Variants in IGDCC3 observed in about 807,000 individuals in gnomAD.
The protein encoded by IGDCC3 is immunoglobulin superfamily DCC subclass member 3, also known as putative neuronal cell adhesion molecule.
Under a neutral mutation model 72.0 loss-of-function variants are expected in IGDCC3, and 47 were observed. The ratio of observed to expected loss-of-function variants is 0.65; its 90% CI spans 0.52 to 0.83. The LOEUF is 0.83. Among genes scored for constraint, IGDCC3 ranks in the 40% least tolerant of loss-of-function variants. The pLI is 0.00. For missense variants in IGDCC3, 1,038 were observed against 1,091.3 expected, an observed-to-expected ratio of 0.95 and a Z score of 0.69; for synonymous variants, 477 against 472.8, an observed-to-expected ratio of 1.01 and a Z score of -0.11.
In IGDCC3 at chr15:65,329,719, G is replaced by A. The variant is rs768339637; in HGVS notation, c.1997+7C>T. On this transcript the variant is annotated splice_region_variant and intron_variant, in intron 12 of 13. Coordinates refer to ENST00000327987, the MANE Select transcript of IGDCC3 (RefSeq NM_004884.4). This position sits in a 1 kb window ranked among gnomAD's most constrained non-coding sequence, Gnocchi z 4.1. ...AGCCCAGCCCCTCTCCCTGGCCCAGGACCCACCTGCCCCTTTGGCCGAACA... is the reference window on the plus strand; with the variant it reads ...AGCCCAGCCCCTCTCCCTGGCCCAGAACCCACCTGCCCCTTTGGCCGAACA... 1.9e-6 allele frequency: 3 copies of A among 1,613,872 alleles called. No individual in the cohort carries two copies. The highest frequency in any genetic ancestry group is 2.7e-5 in the African/African-American group (2 of 74,908).
In IGDCC3 at chr15:65,329,512, T is replaced by G. The variant is rs767194741; in HGVS notation, c.2083A>C (p.Asn695His). The part of the protein sequence containing the change: ...SQRDPGILAL[N>H]GARRGQRGQL... Reference sequence around the variant, plus strand: ...CCCCGCTGTCCCCGTCTCGCCCCATTTAGGGCTAGAATGCCAGGGTCCCTC... The same window carrying G: ...CCCCGCTGTCCCCGTCTCGCCCCATGTAGGGCTAGAATGCCAGGGTCCCTC... Residue 695 changes from asparagine to histidine, a missense_variant, in exon 13 of 14, where the codon AAT becomes CAT. By Grantham distance (68) the Asn-to-His change is moderately conservative. Transcript: ENST00000327987. This position sits in a 1 kb window ranked among gnomAD's most constrained non-coding sequence, Gnocchi z 4.1. 1.5e-5 allele frequency: 24 copies of G among 1,606,798 alleles called. No homozygotes were observed. The Admixed American group carries it at 1.9e-4, about 13-fold the overall frequency.
intron 2 of IGDCC3, among the ~76,000 whole-genome samples, chr15:65,342,247 G>A (rs375841945): frequency 2.0e-4 from 31 of 152,008 alleles, no homozygotes; most frequent in African/African-American, 7.0e-4. Flanking sequence ...TTAGCCGGGC[G>A]TGGTGGCACA....
chr15:65,372,113 G>C (rs929728950), intron 2 of IGDCC3, among the ~76,000 whole-genome samples: 2 of 152,184 alleles, frequency 1.3e-5, no homozygotes, highest in South Asian at 2.1e-4. Flanking sequence ...ACATTTAAAG[G>C]CCATGTCAGT....
chr15:65,337,495 C>T (rs1379802294), intron 2 of IGDCC3, among the ~76,000 whole-genome samples: 1 of 152,040 alleles, frequency 6.6e-6, no homozygotes, highest in African/African-American at 2.4e-5. Flanking sequence ...TAAACAGTAC[C>T]TTGGGGCCCT....
intron 2 of IGDCC3, among the ~76,000 whole-genome samples, chr15:65,354,580 G>A (rs1170436972): frequency 6.6e-6 from 1 of 152,106 alleles, no homozygotes; most frequent in Non-Finnish European, 1.5e-5. Flanking sequence ...AGACCTATGA[G>A]TCCCTTAAGG....
intron 2 of IGDCC3, among the ~76,000 whole-genome samples, chr15:65,372,906 C>A (rs924525433): frequency 6.6e-6 from 1 of 152,130 alleles, no homozygotes; most frequent in Non-Finnish European, 1.5e-5. Flanking sequence ...GAGCATTCTC[C>A]CATGGGACCA....
chr15:65,339,429 G>T lies in IGDCC3; in HGVS notation c.410-3473C>A, dbSNP rs2091059880. Among the ~76,000 whole-genome samples, 1 of 152,194 alleles carries T rather than the reference G, an allele frequency of 6.6e-6. No individual in the cohort carries two copies. ...AGGGTCTCCCTACGTTGCCCGGACT[G>T]GCACAGCATTTTTTTCTTTAGGAAG... On this transcript the variant is annotated intron_variant, in intron 2 of 13. Coordinates refer to ENST00000327987, the MANE Select transcript of IGDCC3 (RefSeq NM_004884.4). The surrounding 1 kb of genome is among the most constrained non-coding windows in gnomAD (Gnocchi z 4.1).
At position 65,339,885 on chromosome 15, in the gene IGDCC3, T is replaced by C. The variant is rs1023000851; in HGVS notation, c.410-3929A>G. Among the ~76,000 whole-genome samples, 28 of 152,122 alleles carry C rather than the reference T, an allele frequency of 1.8e-4. No individual in the cohort carries two copies. The highest frequency in any genetic ancestry group is 8.5e-4 in the Admixed American group (13 of 15,288). On this transcript the variant is annotated intron_variant, in intron 2 of 13. Coordinates refer to ENST00000327987, the MANE Select transcript of IGDCC3 (RefSeq NM_004884.4). The surrounding 1 kb of genome is among the most constrained non-coding windows in gnomAD (Gnocchi z 4.1). Reference sequence around the variant, plus strand: ...GGGTCCCTCACTTCAAGTTGGGTGATGGGAAGGGGGTGATGGGCAATGGTC... The same window carrying C: ...GGGTCCCTCACTTCAAGTTGGGTGACGGGAAGGGGGTGATGGGCAATGGTC...
At position 65,331,450 on chromosome 15, in the gene IGDCC3, T is replaced by G. The variant is rs757776406; in HGVS notation, c.1358A>C (p.Glu453Ala). Residue 453 changes from glutamate to alanine, a missense_variant, in exon 8 of 14, where the codon GAG (glutamate) becomes GCG (alanine). Physicochemically the swap from Glu to Ala is moderately radical, Grantham distance 107. Coordinates refer to ENST00000327987, the MANE Select transcript of IGDCC3 (RefSeq NM_004884.4). ...GATGTGCAGGACGTAGCCGATGATCTCCTTGGTGTTGGCCAGCGGCTCACT... is the reference window on the plus strand; with the variant it reads ...GATGTGCAGGACGTAGCCGATGATCGCCTTGGTGTTGGCCAGCGGCTCACT... ...SWSEPLANTKEIIGYVLHIRK... is the reference protein window; with the variant it reads ...SWSEPLANTKAIIGYVLHIRK... The G allele has an allele frequency of 1.9e-6, 3 of 1,611,998 alleles. No homozygotes were observed. In the Admixed American group the frequency reaches 5.0e-5, roughly 27 times the overall value.
chr15:65,328,610 C>G lies in IGDCC3; in HGVS notation c.*299G>C. The G allele has an allele frequency of 1.5e-5, 4 of 262,004 alleles. No individual in the cohort carries two copies. The highest frequency in any genetic ancestry group is 6.4e-5 in the East Asian group (1 of 15,726). The allele number at this position is 262,004 out of a possible 1,614,324, so 16.2% of individuals were successfully genotyped here. A position where few individuals can be genotyped will look rare whatever the true frequency, so the allele number is the denominator to read the frequency against. On this transcript the variant is annotated 3_prime_UTR_variant, in exon 14 of 14. Transcript: ENST00000327987. The stretch of plus-strand genomic sequence containing the variant: ...TCTTTTTTTTTTTTTTTAAGTTTTG[C>G]TTTTTAAAGAAAAATGTTAGTTCAG...
At chr15:65,366,679 C>T (rs760486422) in intron 2 of IGDCC3, among the ~76,000 whole-genome samples, 2 of 152,180 alleles carry the variant, frequency 1.3e-5, no homozygotes, top group Non-Finnish European at 2.9e-5. Context: ...TGAGCCAGTC[C>T]TGGCCCCCCA....
At chr15:65,355,642 C>A (rs931661369) in intron 2 of IGDCC3, 3 of 354,214 alleles carry the variant, frequency 8.5e-6, no homozygotes, top group Non-Finnish European at 1.2e-5. Context: ...GGCTAATCCC[C>A]GCCGACGCGG....
intron 2 of IGDCC3, among the ~76,000 whole-genome samples, chr15:65,345,585 C>G (rs1297165441): frequency 6.6e-6 from 1 of 151,230 alleles, no homozygotes; most frequent in Non-Finnish European, 1.5e-5. Flanking sequence ...CACACGCACA[C>G]ACACGCATGC....
At chr15:65,361,361 G>T (rs2091259834) in intron 2 of IGDCC3, among the ~76,000 whole-genome samples, 1 of 151,768 alleles carries the variant, frequency 6.6e-6, no homozygotes, top group Non-Finnish European at 1.5e-5. Flanking sequence ...AGGATTGTTT[G>T]GGCCCCAGAG....
intron 5 of IGDCC3, among the ~76,000 whole-genome samples, chr15:65,334,274 A>G (rs2091006386): frequency 6.6e-6 from 1 of 151,682 alleles, no homozygotes; most frequent in African/African-American, 2.4e-5. Flanking sequence ...TGGGGGACTT[A>G]GGGGGCCAGG....
In IGDCC3 at chr15:65,334,757, G is replaced by C; in HGVS notation, c.794C>G (p.Pro265Arg). The C allele has an allele frequency of 2.5e-6, 4 of 1,596,532 alleles. No homozygotes were observed. Among genetic ancestry groups the C allele is most frequent in the African/African-American group, 1.3e-5 (1 of 74,666 alleles). ...GCGGCTCCAGGACACAATGGGGCGC[G>C]GGTTGCCCGTGGCGACACACTCAAG... ...AVLECVATGN[P>R]RPIVSWSRLD... The change falls in exon 5 of 14, where the codon CCG (proline) becomes CGG (arginine). Residue 265 changes from proline (P) to arginine (R), a missense_variant. Pro to Arg is a moderately radical substitution (Grantham distance 103). Coordinates refer to ENST00000327987, the MANE Select transcript of IGDCC3 (RefSeq NM_004884.4).
In IGDCC3 at chr15:65,339,723, G is replaced by A. The variant is rs2091062647; in HGVS notation, c.410-3767C>T. Among the ~76,000 whole-genome samples, 1 of 152,228 alleles carries A rather than the reference G, an allele frequency of 6.6e-6. No individual in the cohort carries two copies. The highest frequency in any genetic ancestry group is 1.5e-5 in the Non-Finnish European group (1 of 68,038). On this transcript the variant is annotated intron_variant, in intron 2 of 13. Transcript: ENST00000327987. The surrounding 1 kb of genome is among the most constrained non-coding windows in gnomAD (Gnocchi z 4.1). ...CTGATGACAGTACAGACCAGCTAGTGTATTAGCATTGAGTATTTATGTCTG... is the reference window on the plus strand; with the variant it reads ...CTGATGACAGTACAGACCAGCTAGTATATTAGCATTGAGTATTTATGTCTG...
intron 3 of IGDCC3, 78 bp downstream of exon 3, chr15:65,335,734 C>A: frequency 6.5e-7 from 1 of 1,537,390 alleles, no homozygotes; most frequent in Non-Finnish European, 9.0e-7. Flanking sequence ...CTCCCAGAGC[C>A]GCGGGCCATC....
At position 65,329,305 on chromosome 15, in the gene IGDCC3, C is replaced by T. The variant is rs1166339958; in HGVS notation, c.2205+85G>A. 20 of 1,483,404 alleles carry T rather than the reference C, an allele frequency of 1.3e-5. No homozygotes were observed. Among genetic ancestry groups the T allele is most frequent in the African/African-American group, 2.8e-5 (2 of 70,922 alleles). The allele number at this position is 1,483,404 out of a possible 1,614,324, so 91.9% of individuals were successfully genotyped here. On this transcript the variant is annotated intron_variant, in intron 13 of 13. Coordinates refer to ENST00000327987, the MANE Select transcript of IGDCC3 (RefSeq NM_004884.4). This position sits in a 1 kb window ranked among gnomAD's most constrained non-coding sequence, Gnocchi z 4.1. The stretch of plus-strand genomic sequence containing the variant: ...TTGACTAAGGCCAATGATCGAGGCC[C>T]GTGGCCAAGGTGAAGGGGGGCAGGA...
Sources: allele counts gnomAD v4.1 joint callset (sites outside exome capture counted in the v4.1 genomes callset), GRCh38; gene constraint gnomAD v4.1.1; non-coding constraint Gnocchi (gnomAD v3.1); transcripts MANE v1.5; gene names NCBI Gene and HGNC (gene_info 2026-07-23, HGNC 2026-07-21).